Variants in DAG1 observed in about 807,000 individuals in gnomAD.
DAG1 encodes dystroglycan 1 (dystrophin-associated glycoprotein 1).
Under a neutral mutation model 46.1 loss-of-function variants are expected in DAG1, and 8 were observed. The ratio of observed to expected loss-of-function variants is 0.17; its 90% CI spans 0.10 to 0.31. DAG1 has a LOEUF of 0.31. DAG1 is among the 10% of genes least tolerant of loss of function. DAG1 has a pLI of 1.00. For synonymous variants in DAG1, 495 were observed against 481.8 expected, an observed-to-expected ratio of 1.03 and a Z score of -0.36; for missense variants, 1,003 against 1,189.9, an observed-to-expected ratio of 0.84 and a Z score of 2.31.
intron 2 of DAG1, among the ~76,000 whole-genome samples, chr3:49,511,661 A>G (rs1315619015): frequency 2.0e-5 from 3 of 152,028 alleles, no homozygotes; most frequent in Non-Finnish European, 4.4e-5. Flanking sequence ...CTATAAGCAC[A>G]TATCAGCACA....
rs139787263 is a variant in DAG1, at chr3:49,499,994, A to G, written c.-116-10425A>G. Among the ~76,000 whole-genome samples the G allele has an allele frequency of 7.1e-3, 977 of 138,430 alleles. 8 individuals carry two copies. The highest frequency in any genetic ancestry group is 0.025 in the African/African-American group (930 of 36,888). 90.8% of individuals were successfully genotyped at this position (138,430 alleles called of 152,430 possible). A position where few individuals can be genotyped will look rare whatever the true frequency, so the allele number is the denominator to read the frequency against. On this transcript the variant is annotated intron_variant, in intron 1 of 2. Coordinates refer to ENST00000308775, the MANE Select transcript of DAG1 (RefSeq NM_004393.6). ...TTCTTCTTCTTTTTTTTTTTTTTTG[A>G]GACAGAATCTTGCTCTGTCGCCCAG...
At chr3:49,511,653 A>G (rs930172083) in intron 2 of DAG1, among the ~76,000 whole-genome samples, 7 of 152,186 alleles carry the variant, frequency 4.6e-5, no homozygotes, top group African/African-American at 9.7e-5. Flanking sequence ...AGCTGGGACT[A>G]TAAGCACATA....
At chr3:49,524,877 T>C (rs914600568) in intron 2 of DAG1, among the ~76,000 whole-genome samples, 1 of 152,102 alleles carries the variant, frequency 6.6e-6, no homozygotes, top group Non-Finnish European at 1.5e-5. Context: ...CTTGGGAGGC[T>C]GAGGTGGGAG....
chr3:49,504,170 G>A (rs1432371880), intron 1 of DAG1, among the ~76,000 whole-genome samples: 55 of 151,974 alleles, frequency 3.6e-4, no homozygotes. Context: ...GTAACTTCTG[G>A]CACCCACTAA....
chr3:49,531,465 C>T lies in DAG1; in HGVS notation c.954C>T (p.Pro318=). The T allele has an allele frequency of 6.2e-7, 1 of 1,613,984 alleles. No individual in the cohort carries two copies. Among genetic ancestry groups the T allele is most frequent in the Non-Finnish European group, 8.5e-7 (1 of 1,180,000 alleles). Residue 318 remains proline, a synonymous_variant, in exon 3 of 3, where the codon CCC becomes CCT. Transcript: ENST00000308775. This position sits in a 1 kb window ranked among gnomAD's most constrained non-coding sequence, Gnocchi z 7.0. ...KRVRRQIHAT[P]TPVTAIGPPT... ...TCCGGAGGCAGATCCATGCTACACC[C>T]ACACCTGTCACTGCCATTGGGCCCC...
rs565187206 is a variant in DAG1 at position 49,471,819 on chromosome 3, T to G, written c.-117+1386T>G. Among the ~76,000 whole-genome samples the G allele has an allele frequency of 8.6e-4, 131 of 152,306 alleles. 4 individuals carry two copies. In the South Asian group the frequency reaches 0.026, roughly 31 times the overall value. ...AGGGACCCATGTAAAAGAGTCTGCT[T>G]CTGCCCTTAAGGAATTCAGTTTAGG... On this transcript the variant is annotated intron_variant, in intron 1 of 2. Transcript: ENST00000308775.
intron 2 of DAG1, among the ~76,000 whole-genome samples, chr3:49,511,204 T>G (rs960729131): frequency 2.0e-5 from 3 of 152,182 alleles, no homozygotes; most frequent in South Asian, 2.1e-4. Context: ...AAGATATAAA[T>G]AAATATAGGA....
At chr3:49,527,678 G>A in intron 2 of DAG1, among the ~76,000 whole-genome samples, 1 of 152,162 alleles carries the variant, frequency 6.6e-6, no homozygotes, top group Admixed American at 6.5e-5. Flanking sequence ...ACTCCAGCCT[G>A]GGTGATAGAG....
intron 2 of DAG1, among the ~76,000 whole-genome samples, chr3:49,522,741 T>TC (rs2051066403): frequency 6.6e-6 from 1 of 152,202 alleles, no homozygotes; most frequent in Non-Finnish European, 1.5e-5. Context: ...AATGCTAGAC[T>TC]TACTTTCTAT....
At chr3:49,474,716 C>G (rs1000958357) in intron 1 of DAG1, among the ~76,000 whole-genome samples, 1 of 152,098 alleles carries the variant, frequency 6.6e-6, no homozygotes, top group African/African-American at 2.4e-5. Flanking sequence ...CTTTTGAGCT[C>G]AAGCAATCTG....
intron 2 of DAG1, among the ~76,000 whole-genome samples, chr3:49,527,528 A>G (rs1469413498): frequency 6.7e-6 from 1 of 149,010 alleles, no homozygotes; most frequent in Non-Finnish European, 1.5e-5. Flanking sequence ...TCTCAAAAAA[A>G]AAAAAAACCA....
At chr3:49,510,935 C>G in intron 2 of DAG1, 116 bp downstream of exon 2, 1 of 1,539,456 alleles carries the variant, frequency 6.5e-7, no homozygotes, top group South Asian at 1.2e-5. Context: ...TCTTCCAGTA[C>G]CCCCTTAGAA....
In DAG1 at chr3:49,532,462, A is replaced by T; in HGVS notation, c.1951A>T (p.Thr651Ser). Residue 651 changes from threonine to serine, a missense_variant, in exon 3 of 3, where the codon ACC becomes TCC. Transcript: ENST00000308775. The surrounding 1 kb of genome is among the most constrained non-coding windows in gnomAD (Gnocchi z 5.4). ...TAGCACCATCACCCTGCAGAATATCACCCGGGGCTCCATCGTGGTGGAATG... is the reference window on the plus strand; with the variant it reads ...TAGCACCATCACCCTGCAGAATATCTCCCGGGGCTCCATCGTGGTGGAATG... Reference protein sequence around the residue: ...NCSTITLQNITRGSIVVEWTN... With the variant: ...NCSTITLQNISRGSIVVEWTN... 6.2e-7 allele frequency: 1 copy of T among 1,614,026 alleles called. No homozygotes were observed. Among genetic ancestry groups the T allele is most frequent in the Admixed American group, 1.7e-5 (1 of 60,008 alleles).
chr3:49,470,479 C>G (rs1445580304), intron 1 of DAG1, 46 bp downstream of exon 1: 1 of 152,358 alleles, frequency 6.6e-6, no homozygotes, highest in Non-Finnish European at 1.5e-5. Context: ...CTGCTTGGGC[C>G]CCCATCCCTG....
chr3:49,515,843 C>T (rs951238393), intron 2 of DAG1, among the ~76,000 whole-genome samples: 1 of 152,180 alleles, frequency 6.6e-6, no homozygotes, highest in African/African-American at 2.4e-5. Flanking sequence ...TGTTCTTGAC[C>T]TCTCAATTTG....
rs757046026 is a variant in DAG1 at position 49,532,441 on chromosome 3, A to T, written c.1930A>T (p.Thr644Ser). 5 of 1,614,100 alleles carry T rather than the reference A, an allele frequency of 3.1e-6. No individual in the cohort carries two copies. In the African/African-American group the frequency reaches 6.7e-5, roughly 22 times the overall value. Residue 644 changes from threonine (T) to serine (S), a missense_variant, in exon 3 of 3, where the codon ACC becomes TCC. By Grantham distance (58) the Thr-to-Ser change is moderately conservative (BLOSUM62 1). This residue lies in a region of DAG1 where 755 missense variants were observed against 854.1 expected (regional missense o/e 0.88). Transcript: ENST00000308775. This position sits in a 1 kb window ranked among gnomAD's most constrained non-coding sequence, Gnocchi z 5.4. ...AFAFGDRNCS[T>S]ITLQNITRGS... ...CGCCTTTGGAGACCGAAACTGTAGC[A>T]CCATCACCCTGCAGAATATCACCCG... is the stretch of plus-strand genomic sequence containing the variant.
At position 49,474,301 on chromosome 3, in the gene DAG1, G is replaced by A. The variant is rs552918509; in HGVS notation, c.-117+3868G>A. Among the ~76,000 whole-genome samples, 511 of 151,956 alleles carry A rather than the reference G, an allele frequency of 3.4e-3. 2 individuals carry two copies. The highest frequency in any genetic ancestry group is 0.012 in the African/African-American group (481 of 41,446). ...CATCTCCTGACCTTGTGGTCTGCCC[G>A]CCTCGGCCTCCCAAAGTGCTGGGAT... On this transcript the variant is annotated intron_variant, in intron 1 of 2. Transcript: ENST00000308775.
In DAG1 at chr3:49,531,949, A is replaced by G; in HGVS notation, c.1438A>G (p.Ile480Val). Reference sequence around the variant, plus strand: ...GGAAACTGCCTCACCGCCTACTCGTATTCGCACCACCACCAGTGGAGTGCC... The same window carrying G: ...GGAAACTGCCTCACCGCCTACTCGTGTTCGCACCACCACCAGTGGAGTGCC... ...RLETASPPTR[I>V]RTTTSGVPRG... is the part of the protein sequence containing the mutation. The change falls in exon 3 of 3, where the codon ATT becomes GTT. Residue 480 changes from isoleucine (I) to valine (V), a missense_variant. Around this residue, in one of 3 missense-constraint regions of DAG1, gnomAD observed 755 missense variants for 854.1 expected, o/e 0.88. Coordinates refer to ENST00000308775, the MANE Select transcript of DAG1 (RefSeq NM_004393.6). This position sits in a 1 kb window ranked among gnomAD's most constrained non-coding sequence, Gnocchi z 7.0. The G allele has an allele frequency of 6.2e-7, 1 of 1,614,208 alleles. No individual in the cohort carries two copies. The highest frequency in any genetic ancestry group is 8.5e-7 in the Non-Finnish European group (1 of 1,180,026).
At chr3:49,479,761 C>T (rs570628080) in intron 1 of DAG1, among the ~76,000 whole-genome samples, 1 of 143,720 alleles carries the variant, frequency 7.0e-6, no homozygotes, top group East Asian at 2.0e-4. Context: ...CCTCAGCATC[C>T]TGAGTAGCTG....
Sources: allele counts gnomAD v4.1 joint callset (sites outside exome capture counted in the v4.1 genomes callset), GRCh38; gene constraint gnomAD v4.1.1; regional missense constraint gnomAD v4.1.1; non-coding constraint Gnocchi (gnomAD v3.1); transcripts MANE v1.5; gene names NCBI Gene and HGNC (gene_info 2026-07-23, HGNC 2026-07-21).